The following RYK variants were observed in gnomAD, a reference collection of about 807,000 sequenced individuals.
RYK encodes inactive tyrosine-protein kinase RYK.
A neutral mutation model predicts 70.2 loss-of-function variants in RYK; 21 were observed. The observed-to-expected ratio is 0.30, with a 90% confidence interval of 0.21 to 0.43. RYK has a LOEUF of 0.43. Ranked by LOEUF, RYK falls within the 20% of genes least tolerant of loss-of-function variation. The probability of loss-of-function intolerance (pLI) is 1.00; values close to 1 mark genes in which losing one functional copy is unlikely to be tolerated. For synonymous variants in RYK, 267 were observed against 278.0 expected (o/e 0.96, Z 0.39); for missense variants, 604 against 753.3 (o/e 0.80, Z 2.32).
At chr3:134,206,232 G>A (rs1462488790) in intron 5 of RYK, among the ~76,000 whole-genome samples, 1 of 152,098 alleles carries the variant, frequency 6.6e-6, no homozygotes, top group African/African-American at 2.4e-5. Context: ...GACAAAATAG[G>A]CAGCACAGAG....
intron 10 of RYK, chr3:134,180,665 G>A (rs909862365): frequency 1.3e-5 from 2 of 152,110 alleles, no homozygotes; most frequent in Non-Finnish European, 2.9e-5. Flanking sequence ...TACATATTAA[G>A]GATCAAAACA....
rs73215370 is a variant in RYK, at chr3:134,196,951, T to G, written c.789-1769A>C. Among the ~76,000 whole-genome samples the G allele has an allele frequency of 7.5e-3, 1,135 of 152,314 alleles. 4 individuals carry two copies. The highest frequency in any genetic ancestry group is 0.011 in the Non-Finnish European group (733 of 68,020). The stretch of plus-strand genomic sequence containing the variant: ...TAATGAAATGCCCCCCCAGCATGCC[T>G]TCCCTGAAGATGTCCATCATTTTAG... On this transcript the variant is annotated intron_variant, in intron 6 of 14. Coordinates refer to ENST00000623711, the MANE Select transcript of RYK (RefSeq NM_002958.4).
intron 1 of RYK, among the ~76,000 whole-genome samples, chr3:134,229,086 T>A (rs553368505): frequency 1.2e-4 from 18 of 152,248 alleles, no homozygotes; most frequent in African/African-American, 4.3e-4. Context: ...ACCCCTATCT[T>A]ACATATCAAA....
chr3:134,236,027 G>A (rs1219910653), intron 1 of RYK, among the ~76,000 whole-genome samples: 1 of 151,910 alleles, frequency 6.6e-6, no homozygotes, highest in East Asian at 1.9e-4. Flanking sequence ...AAGAAAACTG[G>A]GAACTGGGAC....
chr3:134,181,310 T>C (rs1229434921), intron 10 of RYK: 1 of 152,262 alleles, frequency 6.6e-6, no homozygotes, highest in Non-Finnish European at 1.5e-5. Flanking sequence ...TCCCTTCTGC[T>C]ACTGAGATTA....
Position 134,197,566 on chromosome 3 carries a change from G to A in RYK, c.789-2384C>T, listed in dbSNP as rs139202633. Among the ~76,000 whole-genome samples the A allele has an allele frequency of 7.6e-3, 1,150 of 152,136 alleles. 20 individuals are homozygous for A. The highest frequency in any genetic ancestry group is 0.025 in the African/African-American group (1,052 of 41,502). ...ATGTGAATATTATGCATCTCCAGTC[G>A]TTAGAGCAAAAAGGGATTACAGGAC... On this transcript the variant is annotated intron_variant, in intron 6 of 14. Coordinates refer to ENST00000623711, the MANE Select transcript of RYK (RefSeq NM_002958.4).
chr3:134,194,452 T>C (rs2013750817), intron 7 of RYK, among the ~76,000 whole-genome samples: 1 of 152,184 alleles, frequency 6.6e-6, no homozygotes, highest in Admixed American at 6.5e-5. Flanking sequence ...CCCAGGCTTA[T>C]CTTGTTCACT....
At chr3:134,212,978 A>AT (rs796773983) in intron 2 of RYK, among the ~76,000 whole-genome samples, 31 of 152,338 alleles carry the variant, frequency 2.0e-4, no homozygotes, top group African/African-American at 6.3e-4. Flanking sequence ...TAAGTGCCAC[A>AT]TTCCCAACAA....
At chr3:134,223,665 G>A (rs2014804072) in intron 1 of RYK, among the ~76,000 whole-genome samples, 1 of 150,948 alleles carries the variant, frequency 6.6e-6, no homozygotes, top group African/African-American at 2.4e-5. Context: ...GGAACTGAAA[G>A]ACTAAGAGCA....
chr3:134,229,328 C>T (rs1236890757), intron 1 of RYK, among the ~76,000 whole-genome samples: 3 of 150,240 alleles, frequency 2.0e-5, no homozygotes, highest in Non-Finnish European at 1.5e-5. Flanking sequence ...TTCTCTTTCC[C>T]CCAACCCCTT....
intron 13 of RYK, among the ~76,000 whole-genome samples, chr3:134,167,197 G>A (rs2012703851): frequency 2.0e-5 from 3 of 151,930 alleles, no homozygotes; most frequent in Admixed American, 1.3e-4. Flanking sequence ...AATCAATATC[G>A]TGAAAATGGC....
intron 1 of RYK, among the ~76,000 whole-genome samples, chr3:134,222,980 C>T (rs978154289): frequency 1.3e-5 from 2 of 152,186 alleles, no homozygotes; most frequent in African/African-American, 4.8e-5. Flanking sequence ...AGCCAAGCCT[C>T]AAGCCTCCAG....
chr3:134,233,824 G>C (rs78615538), intron 1 of RYK, among the ~76,000 whole-genome samples: 17,052 of 152,170 alleles, frequency 0.11, 1,009 homozygotes, highest in Middle Eastern at 0.16. Context: ...AGTAAAATGA[G>C]TTTTGCTTAG....
At chr3:134,249,662 CAA>C (rs1228445127) in intron 1 of RYK, among the ~76,000 whole-genome samples, 6 of 152,046 alleles carry the variant, frequency 3.9e-5, no homozygotes, top group Non-Finnish European at 8.8e-5. Context: ...CAAACCGACC[CAA>C]GACTAAGTTC....
At chr3:134,234,722 G>C (rs1030840429) in intron 1 of RYK, among the ~76,000 whole-genome samples, 1 of 152,104 alleles carries the variant, frequency 6.6e-6, no homozygotes, top group African/African-American at 2.4e-5. Flanking sequence ...CATACTGAGA[G>C]ATTAATAAAA....
At chr3:134,211,224 C>G (rs570668436) in intron 3 of RYK, among the ~76,000 whole-genome samples, 2 of 152,168 alleles carry the variant, frequency 1.3e-5, no homozygotes, top group Admixed American at 1.3e-4. Context: ...GGTGCCTAAT[C>G]AAAGGGAAAC....
intron 10 of RYK, among the ~76,000 whole-genome samples, chr3:134,182,795 C>T (rs2013343271): frequency 1.3e-5 from 2 of 152,166 alleles, no homozygotes; most frequent in African/African-American, 4.8e-5. Flanking sequence ...TGTGGGCTTA[C>T]ATACTATTCT....
intron 6 of RYK, among the ~76,000 whole-genome samples, chr3:134,201,564 T>C (rs2014022101): frequency 1.3e-5 from 2 of 151,910 alleles, no homozygotes; most frequent in East Asian, 1.9e-4. Flanking sequence ...AAAGGGGTGT[T>C]TGGGAGGCTT....
intron 1 of RYK, among the ~76,000 whole-genome samples, chr3:134,249,691 T>C (rs2015554903): frequency 6.6e-6 from 1 of 152,130 alleles, no homozygotes; most frequent in Non-Finnish European, 1.5e-5. Context: ...CCCTTCAAGA[T>C]ACTCAAAAGT....
Sources: allele counts gnomAD v4.1 joint callset (sites outside exome capture counted in the v4.1 genomes callset), GRCh38; gene constraint gnomAD v4.1.1; transcripts MANE v1.5; gene names NCBI Gene and HGNC (gene_info 2026-07-23, HGNC 2026-07-21).